The following SREBF1 variants were observed in gnomAD, a reference collection of about 807,000 sequenced individuals.
The protein encoded by SREBF1 is sterol regulatory element binding transcription factor 1, also known as sterol regulatory element-binding protein 1.
A neutral mutation model predicts 100.1 loss-of-function variants in SREBF1; 45 were observed. That is an observed-to-expected ratio of 0.45 (90% CI 0.35 to 0.58). The LOEUF is 0.58. SREBF1 is among the 20% of genes least tolerant of loss of function. SREBF1 has a pLI of 0.00. For synonymous variants in SREBF1, 657 were observed against 681.8 expected (o/e 0.96, Z 0.57); for missense variants, 1,324 against 1,539.4 (o/e 0.86, Z 2.34).
At chr17:17,823,278 G>A (rs1229978566) in intron 1 of SREBF1, among the ~76,000 whole-genome samples, 1 of 152,184 alleles carries the variant, frequency 6.6e-6, no homozygotes, top group Non-Finnish European at 1.5e-5. Context: ...ACCCTCTTAG[G>A]TCGGGATGCT....
Position 17,815,211 on chromosome 17 carries a change from C to G in SREBF1, c.2492+10G>C, listed in dbSNP as rs767291140. 1 of 1,610,700 alleles carries G rather than the reference C, an allele frequency of 6.2e-7. No homozygotes were observed. The highest frequency in any genetic ancestry group is 1.7e-5 in the Admixed American group (1 of 60,020). The stretch of plus-strand genomic sequence containing the variant: ...GGGCCTTGCCTGGAGGAGGGCACAA[C>G]GACACTTACTTGTCCCCATCAGCTG... On this transcript the variant is annotated intron_variant, in intron 13 of 18. Transcript: ENST00000261646.
intron 1 of SREBF1, among the ~76,000 whole-genome samples, chr17:17,828,018 G>T (rs897010394): frequency 6.6e-6 from 1 of 152,310 alleles, no homozygotes; most frequent in East Asian, 1.9e-4. Context: ...TCAGCTGGGG[G>T]CCCCTCCTGT....
chr17:17,823,002 T>C (rs1447687066), intron 1 of SREBF1, among the ~76,000 whole-genome samples: 1 of 152,230 alleles, frequency 6.6e-6, no homozygotes. Flanking sequence ...GACTTTCAAC[T>C]GCAGGGTTTC....
rs1022633114 is a variant in SREBF1 at position 17,811,536 on chromosome 17, T to G, written c.*1086A>C. ...GGGGAATGGGAATGAAGGGAGGGGC[T>G]GGGGGGGGGGGCATGAATGGAGTCA... On this transcript the variant is annotated 3_prime_UTR_variant, in exon 19 of 19. Coordinates refer to ENST00000261646, the MANE Select transcript of SREBF1 (RefSeq NM_004176.5). 717 of 215,616 alleles carry G rather than the reference T, an allele frequency of 3.3e-3. No individual in the cohort carries two copies. The highest frequency in any genetic ancestry group is 4.3e-3 in the Non-Finnish European group (491 of 113,370). 13.4% of individuals were successfully genotyped at this position (215,616 alleles called of 1,614,324 possible). A position where few individuals can be genotyped will look rare whatever the true frequency, so the allele number is the denominator to read the frequency against.
At chr17:17,823,483 G>C (rs763891333) in intron 1 of SREBF1, 1 of 1,475,560 alleles carries the variant, frequency 6.8e-7, no homozygotes. Flanking sequence ...CGGAGGCATT[G>C]TATAAAGGGC....
At chr17:17,833,474 T>TACAC (rs58638639) in intron 1 of SREBF1, among the ~76,000 whole-genome samples, 1 of 110,694 alleles carries the variant, frequency 9.0e-6, no homozygotes, top group African/African-American at 4.1e-5. Context: ...TATATATATA[T>TACAC]ACACACACAC....
At position 17,812,616 on chromosome 17, in the gene SREBF1, C is replaced by T. The variant is rs868823593; in HGVS notation, c.*6G>A. On this transcript the variant is annotated 3_prime_UTR_variant, in exon 19 of 19. Coordinates refer to ENST00000261646, the MANE Select transcript of SREBF1 (RefSeq NM_004176.5). ...GACAGGGGTGCTGAGGCCGGGGACA[C>T]GGGGTCTAGCTGGAAGTGACAGTGG... 4 of 1,596,040 alleles carry T rather than the reference C, an allele frequency of 2.5e-6. No homozygotes were observed. The highest frequency in any genetic ancestry group is 1.7e-5 in the Admixed American group (1 of 58,466).
At chr17:17,815,647 A>G in intron 12 of SREBF1, 2 of 613,848 alleles carry the variant, frequency 3.3e-6, no homozygotes, top group Non-Finnish European at 5.8e-6. Flanking sequence ...CCAATTAGCC[A>G]TCTGCCCATC....
rs557306654 is a variant in SREBF1 at position 17,832,564 on chromosome 17, C to T, written c.91+4163G>A. Among the ~76,000 whole-genome samples, 63 of 152,328 alleles carry T rather than the reference C, an allele frequency of 4.1e-4. 1 individual carries two copies. The South Asian group carries it at 0.012, about 30-fold the overall frequency. ...AAGAAGCTTCAAAAGCAGGCTCGAC[C>T]TCTGACCAGCAATTCCCCTCCCAGA... On this transcript the variant is annotated intron_variant, in intron 1 of 18. Transcript: ENST00000261646.
intron 1 of SREBF1, among the ~76,000 whole-genome samples, chr17:17,827,514 G>A (rs773315568): frequency 1.1e-4 from 17 of 152,292 alleles, no homozygotes; most frequent in Middle Eastern, 3.4e-3. Context: ...AACTGGAGTC[G>A]GCGGTCCTCG....
chr17:17,819,894 G>T, intron 2 of SREBF1, 169 bp from the exon 3 acceptor site: 1 of 1,189,098 alleles, frequency 8.4e-7, no homozygotes, highest in South Asian at 1.6e-5. Flanking sequence ...TTCAAGCCAG[G>T]CCTCCAGTGC....
In SREBF1 at chr17:17,836,727, C is replaced by G; in HGVS notation, c.91G>C (p.Asp31His). 2 of 1,567,870 alleles carry G rather than the reference C, an allele frequency of 1.3e-6. No homozygotes were observed. The highest frequency in any genetic ancestry group is 1.7e-6 in the Non-Finnish European group (2 of 1,164,498). ...TCAAGCCCTGCCCGCCCTGACGCAC[C>G]TTCGATGTCGGTCAGCAGCGCCGCG... ...LDAALLTDIE[D>H]MLQLINNQDS... Residue 31 changes from aspartate to histidine, a missense_variant and splice_region_variant, in exon 1 of 19, where the codon GAC (aspartate) becomes CAC (histidine). Transcript: ENST00000261646.
In SREBF1 at chr17:17,817,387, G is replaced by A. The variant is rs368954390; in HGVS notation, c.1475C>T (p.Thr492Met). 67 of 1,606,520 alleles carry A rather than the reference G, an allele frequency of 4.2e-5. No homozygotes were observed. The East Asian group carries it at 4.5e-4, about 11-fold the overall frequency. ...MLDRSRLALC[T>M]LVFLCLSCNP... ...GCAGGACAGGCAGAGGAAGACGAGCGTGCACAGGGCCAGGCGGGAGCGGTC... is the reference window on the plus strand; with the variant it reads ...GCAGGACAGGCAGAGGAAGACGAGCATGCACAGGGCCAGGCGGGAGCGGTC... Residue 492 changes from threonine (T) to methionine (M), a missense_variant, in exon 8 of 19, where the codon ACG becomes ATG. Transcript: ENST00000261646. The surrounding 1 kb of genome is among the most constrained non-coding windows in gnomAD (Gnocchi z 6.6).
chr17:17,816,960 G>C lies in SREBF1; in HGVS notation c.1783C>G (p.Arg595Gly). 5 of 1,612,916 alleles carry C rather than the reference G, an allele frequency of 3.1e-6. No homozygotes were observed. The highest frequency in any genetic ancestry group is 4.2e-6 in the Non-Finnish European group (5 of 1,180,028). ...HRKQADLDLARGDFAQAAQQL... is the reference protein window; with the variant it reads ...HRKQADLDLAGGDFAQAAQQL... ...CTCTGCCGGGGCCAGCCCCTTACCCGGGCCAGGTCCAGGTCAGCCTGCTTG... is the reference window on the plus strand; with the variant it reads ...CTCTGCCGGGGCCAGCCCCTTACCCCGGCCAGGTCCAGGTCAGCCTGCTTG... Residue 595 changes from arginine to glycine, a missense_variant and splice_region_variant, in exon 9 of 19, where the codon CGG (arginine) becomes GGG (glycine). Physicochemically the swap from Arg to Gly is moderately radical, Grantham distance 125 (BLOSUM62 -2). Coordinates refer to ENST00000261646, the MANE Select transcript of SREBF1 (RefSeq NM_004176.5).
rs771418665 is a variant in SREBF1 at position 17,820,208 on chromosome 17, G to A, written c.405C>T (p.Pro135=). 1.9e-6 allele frequency: 3 copies of A among 1,613,400 alleles called. No homozygotes were observed. The highest frequency in any genetic ancestry group is 2.2e-5 in the East Asian group (1 of 44,886). Residue 135 remains proline (P), a synonymous_variant, in exon 2 of 19, where the codon CCC becomes CCT. Transcript: ENST00000261646. The part of the protein sequence containing the change: ...ESVPLSILQT[P]TPQPLPGALL... ...GGGCCCCTGGCAGGGGCTGTGGGGT[G>A]GGGGTCTGCAGGATGCTCAGTGGCA...
chr17:17,818,836 G>T, intron 5 of SREBF1, 177 bp downstream of exon 5: 1 of 720,828 alleles, frequency 1.4e-6, no homozygotes, highest in Non-Finnish European at 2.4e-6. Context: ...CACCTTTATT[G>T]AAGAGGCCTG....
rs1416623599 is a variant in SREBF1 at position 17,824,677 on chromosome 17, A to G, written c.92-4156T>C. ...ACCAGCAAAGCCTGCCTCTGCCCCA[A>G]ACTGCAGGCCAGCGCCTCTGCCTGG... On this transcript the variant is annotated intron_variant, in intron 1 of 18. Coordinates refer to ENST00000261646, the MANE Select transcript of SREBF1 (RefSeq NM_004176.5). This position sits in a 1 kb window ranked among gnomAD's most constrained non-coding sequence, Gnocchi z 4.2. 6.6e-6 allele frequency among the ~76,000 whole-genome samples: 1 copy of G among 152,104 alleles called. No individual in the cohort carries two copies. Among genetic ancestry groups the G allele is most frequent in the Non-Finnish European group, 1.5e-5 (1 of 67,996 alleles).
At chr17:17,816,910 C>G (rs763660773) in intron 9 of SREBF1, 48 bp downstream of exon 9, 1 of 1,611,018 alleles carries the variant, frequency 6.2e-7, no homozygotes, top group Non-Finnish European at 8.5e-7. Flanking sequence ...AGCACCTTCA[C>G]AGCCTGGGGT....
At chr17:17,823,818 C>A (rs2034305525) in intron 1 of SREBF1, among the ~76,000 whole-genome samples, 1 of 151,748 alleles carries the variant, frequency 6.6e-6, no homozygotes, top group African/African-American at 2.4e-5. Context: ...CGGCCCCCGC[C>A]CCACCTCCCC....
Sources: gnomAD v4.1 joint callset for allele counts (sites outside exome capture counted in the v4.1 genomes callset) on GRCh38, gnomAD v4.1.1 for gene constraint, Gnocchi (gnomAD v3.1) non-coding constraint, MANE v1.5 for transcripts, NCBI Gene and HGNC (gene_info 2026-07-23, HGNC 2026-07-21) for gene names.